HOOK3: variants seen among roughly 807,000 people sequenced by gnomAD.
HOOK3 encodes protein Hook homolog 3.
In HOOK3, 24 loss-of-function variants were observed where a neutral mutation model predicts 116.3. The ratio of observed to expected loss-of-function variants is 0.21; its 90% CI spans 0.15 to 0.29. HOOK3 has a LOEUF of 0.29. Among genes scored for constraint, HOOK3 ranks in the 10% least tolerant of loss-of-function variants. HOOK3 has a pLI of 1.00. For synonymous variants in HOOK3, 275 were observed against 283.0 expected (o/e 0.97, Z 0.28); for missense variants, 632 against 830.2 (o/e 0.76, Z 2.93).
At chr8:42,985,266 T>G (rs1034485188) in intron 14 of HOOK3, among the ~76,000 whole-genome samples, 1 of 152,304 alleles carries the variant, frequency 6.6e-6, no homozygotes, top group Non-Finnish European at 1.5e-5. Context: ...GAGAAGTATA[T>G]TTATAAAGCT....
intron 15 of HOOK3, among the ~76,000 whole-genome samples, chr8:42,995,131 T>C (rs1237114093): frequency 6.6e-6 from 1 of 152,254 alleles, no homozygotes; most frequent in Non-Finnish European, 1.5e-5. Flanking sequence ...GAAAAAGTTA[T>C]AGCTTTAATT....
At chr8:42,984,752 A>C (rs558532685) in intron 14 of HOOK3, among the ~76,000 whole-genome samples, 1 of 152,200 alleles carries the variant, frequency 6.6e-6, no homozygotes, top group Admixed American at 6.5e-5. Context: ...AAATACAAAA[A>C]AATTAGCTGG....
At chr8:42,940,369 G>C (rs1294714805) in intron 4 of HOOK3, among the ~76,000 whole-genome samples, 1 of 152,214 alleles carries the variant, frequency 6.6e-6, no homozygotes. Context: ...GCAATCGCAG[G>C]CACTCGGCAG....
chr8:42,953,521 G>A (rs191775713), intron 6 of HOOK3, among the ~76,000 whole-genome samples: 3,919 of 150,988 alleles, frequency 0.026, 96 homozygotes, highest in Admixed American at 0.07. Flanking sequence ...CTGAGATTGC[G>A]CCACTGCACT....
intron 7 of HOOK3, among the ~76,000 whole-genome samples, chr8:42,957,460 TAGTG>T (rs1381352822): frequency 1.3e-5 from 2 of 152,206 alleles, no homozygotes; most frequent in Non-Finnish European, 2.9e-5. Flanking sequence ...ATTTTTCTGT[TAGTG>T]ATATCAGTGT....
Position 43,022,468 on chromosome 8 carries a change from A to G in HOOK3, c.*3970A>G, listed in dbSNP as rs1253166257. 1 of 197,720 alleles carries G rather than the reference A, an allele frequency of 5.1e-6. No individual in the cohort carries two copies. The highest frequency in any genetic ancestry group is 6.1e-5 in the Admixed American group (1 of 16,490). The allele number at this position is 197,720 out of a possible 1,614,324, so 12.2% of individuals were successfully genotyped here. A position where few individuals can be genotyped will look rare whatever the true frequency, so the allele number is the denominator to read the frequency against. ...GTCACCACAGTGTCTGAAGTCTTAT[A>G]AACAGGAAGATCATTTTCTGTTTTC... On this transcript the variant is annotated 3_prime_UTR_variant, in exon 22 of 22. Transcript: ENST00000307602.
chr8:42,950,525 G>A, intron 6 of HOOK3, 70 bp downstream of exon 6: 2 of 955,318 alleles, frequency 2.1e-6, no homozygotes, highest in Non-Finnish European at 3.2e-6. Context: ...AATAATACAA[G>A]TGGAAAATTT....
intron 16 of HOOK3, among the ~76,000 whole-genome samples, chr8:43,001,306 T>G (rs1313008002): frequency 1.3e-5 from 2 of 152,076 alleles, no homozygotes; most frequent in Non-Finnish European, 2.9e-5. Context: ...CAAAAGAACT[T>G]AGTGTGAGGG....
chr8:42,962,392 G>A (rs1189476762), intron 8 of HOOK3, among the ~76,000 whole-genome samples: 2 of 147,346 alleles, frequency 1.4e-5, no homozygotes, highest in African/African-American at 5.0e-5. Flanking sequence ...GTGACCCACT[G>A]CACCTGGCCC....
At chr8:42,991,038 C>T (rs979308277) in intron 15 of HOOK3, among the ~76,000 whole-genome samples, 1 of 152,146 alleles carries the variant, frequency 6.6e-6, no homozygotes, top group African/African-American at 2.4e-5. Context: ...TACCTTTTAT[C>T]AAAGAGACTG....
At chr8:42,957,571 A>C (rs1808459003) in intron 7 of HOOK3, among the ~76,000 whole-genome samples, 1 of 152,066 alleles carries the variant, frequency 6.6e-6, no homozygotes, top group Non-Finnish European at 1.5e-5. Context: ...TACAGTTGTC[A>C]TTTTCTTGGA....
At position 43,020,719 on chromosome 8, in the gene HOOK3, G is replaced by GTCAA. The variant is rs1294216360; in HGVS notation, c.*2238_*2241dup. ...ACAGAGTGAGACTCTGTCTCAATCAGTCAATCAATCAATCAATCAAATTGG... is the reference window on the plus strand; with the variant it reads ...ACAGAGTGAGACTCTGTCTCAATCAGTCAATCAATCAATCAATCAATCAAATTGG... On this transcript the variant is annotated 3_prime_UTR_variant, in exon 22 of 22. Coordinates refer to ENST00000307602, the MANE Select transcript of HOOK3 (RefSeq NM_032410.4). The GTCAA allele has an allele frequency of 1.8e-3, 313 of 177,288 alleles. No homozygotes were observed. Among genetic ancestry groups the GTCAA allele is most frequent in the African/African-American group, 7.1e-3 (301 of 42,250 alleles). The allele number at this position is 177,288 out of a possible 1,614,324, so 11.0% of individuals were successfully genotyped here. A position where few individuals can be genotyped will look rare whatever the true frequency, so the allele number is the denominator to read the frequency against.
intron 21 of HOOK3, 46 bp downstream of exon 21, chr8:43,013,446 T>A (rs1371914642): frequency 4.9e-6 from 7 of 1,415,506 alleles, no homozygotes; most frequent in African/African-American, 1.5e-5. Flanking sequence ...TCAATGAATA[T>A]GTAATACTTA....
intron 15 of HOOK3, among the ~76,000 whole-genome samples, chr8:42,988,626 A>G (rs1281375726): frequency 6.6e-6 from 1 of 151,860 alleles, no homozygotes; most frequent in East Asian, 1.9e-4. Flanking sequence ...CCTATGATCT[A>G]TAACGATAAT....
intron 4 of HOOK3, among the ~76,000 whole-genome samples, chr8:42,942,735 T>C (rs1432335820): frequency 2.6e-5 from 4 of 152,240 alleles, no homozygotes; most frequent in African/African-American, 7.2e-5. Context: ...CAAAAGCTGA[T>C]TGGAATCTGA....
At chr8:42,956,250 G>GTT (rs1284408705) in intron 6 of HOOK3, among the ~76,000 whole-genome samples, 4 of 151,594 alleles carry the variant, frequency 2.6e-5, no homozygotes, top group African/African-American at 9.7e-5. Context: ...GTGTGTGTGT[G>GTT]TGTGTGTGTG....
chr8:42,982,567 A>G, intron 13 of HOOK3, 60 bp from the exon 14 acceptor site: 1 of 1,175,110 alleles, frequency 8.5e-7, no homozygotes, highest in Non-Finnish European at 1.3e-6. Flanking sequence ...AGGGTTTCAT[A>G]TCGAAAGTTG....
intron 15 of HOOK3, among the ~76,000 whole-genome samples, chr8:42,996,014 A>G (rs1303894066): frequency 1.3e-5 from 2 of 152,114 alleles, no homozygotes; most frequent in South Asian, 2.1e-4. Flanking sequence ...CCTTCTTGCA[A>G]TCCTTCAGTA....
intron 11 of HOOK3, among the ~76,000 whole-genome samples, chr8:42,969,075 T>C (rs553546357): frequency 6.6e-6 from 1 of 152,330 alleles, no homozygotes; most frequent in East Asian, 1.9e-4. Context: ...TACCAAAATT[T>C]ATCTATTTTC....
Sources: gnomAD v4.1 joint callset for allele counts (sites outside exome capture counted in the v4.1 genomes callset) on GRCh38, gnomAD v4.1.1 for gene constraint, MANE v1.5 for transcripts, NCBI Gene and HGNC (gene_info 2026-07-23, HGNC 2026-07-21) for gene names.